ADGRB3: variants seen among roughly 807,000 people sequenced by gnomAD.
The protein encoded by ADGRB3 is brain-specific angiogenesis inhibitor 3.
A neutral mutation model predicts 193.4 loss-of-function variants in ADGRB3; 37 were observed. That is an observed-to-expected ratio of 0.19 (90% CI 0.15 to 0.25). ADGRB3 has a LOEUF of 0.25. Ranked by LOEUF, ADGRB3 falls within the 10% of genes least tolerant of loss-of-function variation. The pLI is 1.00. For synonymous variants in ADGRB3, 690 were observed against 644.2 expected, an observed-to-expected ratio of 1.07 and a Z score of -1.08; for missense variants, 1,637 against 1,852.9, an observed-to-expected ratio of 0.88 and a Z score of 2.14.
chr6:69,302,620 A>C (rs1319104706), intron 20 of ADGRB3, among the ~76,000 whole-genome samples: 1 of 151,984 alleles, frequency 6.6e-6, no homozygotes, highest in East Asian at 1.9e-4. Flanking sequence ...TATTACACAC[A>C]GTACTCTATG....
chr6:68,712,858 T>G (rs1765428007), intron 3 of ADGRB3, among the ~76,000 whole-genome samples: 1 of 151,914 alleles, frequency 6.6e-6, no homozygotes, highest in Admixed American at 6.6e-5. Context: ...AAAGTTTTGC[T>G]TTCTTAAAAA....
At chr6:69,332,809 A>G in intron 23 of ADGRB3, 114 bp from the exon 24 acceptor site, 1 of 1,475,984 alleles carries the variant, frequency 6.8e-7, no homozygotes, top group Non-Finnish European at 9.0e-7. Flanking sequence ...AGTGCTTCAT[A>G]CCACTACTAG....
intron 17 of ADGRB3, among the ~76,000 whole-genome samples, chr6:69,211,687 A>G (rs916680738): frequency 6.6e-6 from 1 of 152,118 alleles, no homozygotes; most frequent in Admixed American, 6.5e-5. Context: ...TTCTCACTCA[A>G]ATGTATGGCC....
intron 28 of ADGRB3, 37 bp from the exon 29 acceptor site, chr6:69,360,832 T>C (rs377571514): frequency 2.6e-6 from 4 of 1,526,312 alleles, no homozygotes; most frequent in Non-Finnish European, 3.5e-6. Flanking sequence ...AAACACACAT[T>C]AACTCTCTTT....
intron 3 of ADGRB3, among the ~76,000 whole-genome samples, chr6:68,883,653 C>T (rs997279938): frequency 6.6e-6 from 1 of 152,140 alleles, no homozygotes; most frequent in Admixed American, 6.5e-5. Context: ...ACACTCACCG[C>T]AAAGGTCTGC....
At chr6:69,351,898 T>C (rs1769233805) in intron 26 of ADGRB3, among the ~76,000 whole-genome samples, 1 of 152,216 alleles carries the variant, frequency 6.6e-6, no homozygotes, top group African/African-American at 2.4e-5. Context: ...TCTTTGGTAT[T>C]GCCAAAATAT....
intron 23 of ADGRB3, chr6:69,332,363 AT>A: frequency 1.0e-6 from 1 of 985,446 alleles, no homozygotes. Context: ...ATTCTGGTGA[AT>A]TGAATAGGCT....
At chr6:69,354,693 A>G (rs1346877803) in intron 27 of ADGRB3, among the ~76,000 whole-genome samples, 2 of 152,222 alleles carry the variant, frequency 1.3e-5, no homozygotes, top group Non-Finnish European at 2.9e-5. Flanking sequence ...GGCCTTAGTG[A>G]AACATTGGAA....
At chr6:68,911,879 G>GT (rs543460047) in intron 3 of ADGRB3, among the ~76,000 whole-genome samples, 3,594 of 129,506 alleles carry the variant, frequency 0.028, 144 homozygotes, top group African/African-American at 0.09. Flanking sequence ...AGTTGTTTCT[G>GT]TTTTTTTTTT....
chr6:68,884,022 A>AAAG (rs150055811), intron 3 of ADGRB3, among the ~76,000 whole-genome samples: 14,200 of 152,194 alleles, frequency 0.093, 871 homozygotes, highest in Non-Finnish European at 0.13. Flanking sequence ...TATTTTAAAA[A>AAAG]ATGATTTGAC....
At chr6:68,808,283 C>T (rs1312295605) in intron 3 of ADGRB3, among the ~76,000 whole-genome samples, 2 of 152,054 alleles carry the variant, frequency 1.3e-5, no homozygotes, top group Non-Finnish European at 2.9e-5. Context: ...TTGGTAATAT[C>T]ATCCACCACC....
rs978000239 is a variant in ADGRB3, at chr6:68,897,407, A to G, written c.758-33152A>G. On this transcript the variant is annotated intron_variant, in intron 3 of 31. Coordinates refer to ENST00000370598, the MANE Select transcript of ADGRB3 (RefSeq NM_001704.3). ...GAAGGAAAGAAAGAAAGAGAGAGAG[A>G]GGGAGGGAGGGAGGGAGAAAGGAAG... is the stretch of plus-strand genomic sequence containing the variant. Among the ~76,000 whole-genome samples, 22 of 120,142 alleles carry G rather than the reference A, an allele frequency of 1.8e-4. No individual in the cohort carries two copies. The South Asian group carries it at 6.6e-3, about 36-fold the overall frequency. The allele number at this position is 120,142 out of a possible 152,430, so 78.8% of individuals were successfully genotyped here.
At chr6:68,856,281 T>A (rs543746769) in intron 3 of ADGRB3, among the ~76,000 whole-genome samples, 7 of 152,144 alleles carry the variant, frequency 4.6e-5, no homozygotes, top group Admixed American at 2.0e-4. Context: ...AAAAGATACC[T>A]GAAAATGTGG....
intron 24 of ADGRB3, among the ~76,000 whole-genome samples, chr6:69,334,619 C>A (rs111422770): frequency 8.5e-5 from 13 of 152,136 alleles, no homozygotes; most frequent in Non-Finnish European, 1.6e-4. Context: ...CTTGTTATTA[C>A]GCCACATGTG....
Position 69,284,819 on chromosome 6 carries a change from A to C in ADGRB3, c.2815-40053A>C, listed in dbSNP as rs1431471204. 2.0e-5 allele frequency among the ~76,000 whole-genome samples: 3 copies of C among 148,844 alleles called. No individual in the cohort carries two copies. In the Admixed American group the frequency reaches 2.0e-4, roughly 10 times the overall value. ...TCTTTATTAAAAACTTTGAGGGAAC[A>C]AAAAAAAAAGATTATTGTAATGGGC... On this transcript the variant is annotated intron_variant, in intron 20 of 31. Coordinates refer to ENST00000370598, the MANE Select transcript of ADGRB3 (RefSeq NM_001704.3).
At chr6:68,815,613 G>A (rs1283871015) in intron 3 of ADGRB3, among the ~76,000 whole-genome samples, 3 of 142,900 alleles carry the variant, frequency 2.1e-5, no homozygotes, top group African/African-American at 7.4e-5. Flanking sequence ...TTGTGTGTGT[G>A]TGTGTGTGTG....
intron 5 of ADGRB3, among the ~76,000 whole-genome samples, chr6:68,937,864 G>C: frequency 6.6e-6 from 1 of 152,072 alleles, no homozygotes; most frequent in East Asian, 1.9e-4. Flanking sequence ...TATGAATATA[G>C]GTAATACTAC....
chr6:68,770,791 T>C (rs1011319583), intron 3 of ADGRB3, among the ~76,000 whole-genome samples: 1 of 152,116 alleles, frequency 6.6e-6, no homozygotes, highest in African/African-American at 2.4e-5. Flanking sequence ...TCCCTGAGAA[T>C]TGGCACAGAT....
chr6:69,354,591 G>A (rs367963473), intron 27 of ADGRB3, among the ~76,000 whole-genome samples: 1 of 152,110 alleles, frequency 6.6e-6, no homozygotes, highest in South Asian at 2.1e-4. Context: ...CGTAGAATTA[G>A]GGCTAATGAT....
Sources: allele counts gnomAD v4.1 joint callset (sites outside exome capture counted in the v4.1 genomes callset), GRCh38; gene constraint gnomAD v4.1.1; transcripts MANE v1.5; gene names NCBI Gene and HGNC (gene_info 2026-07-23, HGNC 2026-07-21).